The following TRPM3 variants were observed in gnomAD, a reference collection of about 807,000 sequenced individuals.
TRPM3 encodes the protein long transient receptor potential channel 3.
TRPM3 carries 77 observed loss-of-function variants against 181.2 expected under a neutral mutation model. That is an observed-to-expected ratio of 0.42 (90% CI 0.35 to 0.51). TRPM3 has a LOEUF of 0.51. TRPM3 is among the 20% of genes least tolerant of loss of function. The pLI, the probability that TRPM3 is intolerant of heterozygous loss-of-function variation, is 0.01. For synonymous variants in TRPM3, 745 were observed against 796.4 expected (o/e 0.94, Z 1.09); for missense variants, 1,759 against 2,196.7 (o/e 0.80, Z 3.98).
chr9:71,082,815 G>C (rs1223089664), intron 1 of TRPM3, among the ~76,000 whole-genome samples: 2 of 151,758 alleles, frequency 1.3e-5, no homozygotes, highest in African/African-American at 2.4e-5. Context: ...TGGTGATAGA[G>C]ACACACCACA....
intron 1 of TRPM3, among the ~76,000 whole-genome samples, chr9:70,992,738 T>C (rs955933760): frequency 6.6e-6 from 1 of 152,224 alleles, no homozygotes; most frequent in Non-Finnish European, 1.5e-5. Flanking sequence ...GACAAAGCTA[T>C]TCTAGAGGGT....
chr9:70,676,805 C>CT (rs1159233900), intron 9 of TRPM3, among the ~76,000 whole-genome samples: 1 of 152,098 alleles, frequency 6.6e-6, no homozygotes, highest in Non-Finnish European at 1.5e-5. Context: ...TGATCTTCAC[C>CT]TGCCCTCCTG....
intron 3 of TRPM3, among the ~76,000 whole-genome samples, chr9:70,847,779 C>A (rs915662636): frequency 6.6e-6 from 1 of 152,100 alleles, no homozygotes; most frequent in Non-Finnish European, 1.5e-5. Context: ...CAATCAGGCC[C>A]CCACACAGGC....
chr9:71,073,728 G>A (rs973722204), intron 1 of TRPM3, among the ~76,000 whole-genome samples: 3 of 152,134 alleles, frequency 2.0e-5, no homozygotes, highest in East Asian at 3.9e-4. Flanking sequence ...CAAGCTGGCA[G>A]CTTATATATG....
chr9:70,619,122 C>T (rs771725619), intron 16 of TRPM3, 27 bp from the exon 17 acceptor site: 19 of 1,592,456 alleles, frequency 1.2e-5, no homozygotes, highest in Admixed American at 5.2e-5. Flanking sequence ...GTGGAAGAGT[C>T]CTTCAGGTCA....
chr9:71,441,854 A>G (rs2094140556), intron 1 of TRPM3, among the ~76,000 whole-genome samples: 1 of 152,078 alleles, frequency 6.6e-6, no homozygotes, highest in African/African-American at 2.4e-5. Context: ...GATGGCTGCT[A>G]TCTCCTGACC....
At chr9:70,668,482 G>A (rs531594958) in intron 9 of TRPM3, among the ~76,000 whole-genome samples, 1 of 151,972 alleles carries the variant, frequency 6.6e-6, no homozygotes, top group Non-Finnish European at 1.5e-5. Context: ...GGCTAACACA[G>A]TGAAACCCCG....
At chr9:71,354,196 G>T (rs2091795343) in intron 1 of TRPM3, among the ~76,000 whole-genome samples, 1 of 152,134 alleles carries the variant, frequency 6.6e-6, no homozygotes. Flanking sequence ...AAAACTCTGG[G>T]AGAGAGTCAA....
At chr9:71,047,799 T>A (rs1382608379) in intron 1 of TRPM3, among the ~76,000 whole-genome samples, 1 of 146,690 alleles carries the variant, frequency 6.8e-6, no homozygotes, top group African/African-American at 2.6e-5. Flanking sequence ...GATACAAGAC[T>A]ACTGGCTGCA....
chr9:70,622,839 ATCTC>A (rs1006040443), intron 14 of TRPM3, among the ~76,000 whole-genome samples: 2 of 151,538 alleles, frequency 1.3e-5, no homozygotes, highest in African/African-American at 2.4e-5. Flanking sequence ...CTCAAACCGA[ATCTC>A]TCTCTCTCTC....
At position 71,028,874 on chromosome 9, in the gene TRPM3, G is replaced by A. The variant is rs2056929860; in HGVS notation, c.177+92304C>T. 2.0e-5 allele frequency among the ~76,000 whole-genome samples: 3 copies of A among 152,024 alleles called. No individual in the cohort carries two copies. The South Asian group carries it at 6.2e-4, about 32-fold the overall frequency. ...TGACAGTGTTAGACAGATCATTAAG[G>A]GAGAAAACTAACAAAAGTATTCAGG... On this transcript the variant is annotated intron_variant, in intron 1 of 25. Transcript: ENST00000677713.
chr9:70,843,248 A>C, intron 4 of TRPM3, 121 bp from the exon 5 acceptor site: 1 of 1,023,876 alleles, frequency 9.8e-7, no homozygotes, highest in Non-Finnish European at 1.4e-6. Flanking sequence ...AAATTTTGAC[A>C]CATTTCTATA....
intron 1 of TRPM3, among the ~76,000 whole-genome samples, chr9:71,439,895 C>T (rs2094109927): frequency 1.3e-5 from 2 of 152,024 alleles, no homozygotes; most frequent in South Asian, 4.1e-4. Context: ...CCAAGGCAGG[C>T]AGATCACGAG....
rs572156420 is a variant in TRPM3 at position 71,367,084 on chromosome 9, A to G, written c.183+79569T>C. Among the ~76,000 whole-genome samples, 11 of 152,336 alleles carry G rather than the reference A, an allele frequency of 7.2e-5. 1 individual carries two copies. Among genetic ancestry groups the G allele is most frequent in the African/African-American group, 2.6e-4 (11 of 41,578 alleles). On this transcript the variant is annotated intron_variant, in intron 1 of 24. Transcript: ENST00000357533. ...ACAAGAGAATAAACAAACCAAAATGATTTTGAGGAAAACATTCAATGCAAT... is the reference window on the plus strand; with the variant it reads ...ACAAGAGAATAAACAAACCAAAATGGTTTTGAGGAAAACATTCAATGCAAT...
At chr9:71,139,387 A>G (rs1214618331) in intron 1 of TRPM3, among the ~76,000 whole-genome samples, 3 of 152,184 alleles carry the variant, frequency 2.0e-5, no homozygotes. Flanking sequence ...TAAAACAAAA[A>G]TTTCCACTCA....
At chr9:71,047,487 G>A (rs1008749723) in intron 1 of TRPM3, among the ~76,000 whole-genome samples, 1 of 152,040 alleles carries the variant, frequency 6.6e-6, no homozygotes, top group Non-Finnish European at 1.5e-5. Context: ...AAGAATGTAC[G>A]CATGTCACAT....
intron 1 of TRPM3, among the ~76,000 whole-genome samples, chr9:71,281,073 C>T (rs2084668787): frequency 6.6e-6 from 1 of 152,176 alleles, no homozygotes; most frequent in South Asian, 2.1e-4. Context: ...GTATATAAGA[C>T]ATTCTTAATA....
chr9:71,003,691 C>T (rs1478475414), intron 1 of TRPM3, among the ~76,000 whole-genome samples: 3 of 152,010 alleles, frequency 2.0e-5, no homozygotes, highest in Admixed American at 6.6e-5. Flanking sequence ...GAATAAAGTT[C>T]GGTATCGTTT....
At chr9:71,044,534 CGAT>C (rs1457190620) in intron 1 of TRPM3, among the ~76,000 whole-genome samples, 4 of 152,170 alleles carry the variant, frequency 2.6e-5, no homozygotes, top group African/African-American at 9.7e-5. Flanking sequence ...AGTATTAATA[CGAT>C]GTTTTTATTG....
Sources: gnomAD v4.1 joint callset for allele counts (sites outside exome capture counted in the v4.1 genomes callset) on GRCh38, gnomAD v4.1.1 for gene constraint, MANE v1.5 for transcripts, NCBI Gene and HGNC (gene_info 2026-07-23, HGNC 2026-07-21) for gene names.